Variants in TFCP2 observed in about 807,000 individuals in gnomAD.
TFCP2 encodes the protein alpha-globin transcription factor CP2.
TFCP2 carries 33 observed loss-of-function variants against 73.4 expected under a neutral mutation model. The observed-to-expected ratio is 0.45, with a 90% confidence interval of 0.34 to 0.60. The LOEUF (loss-of-function observed/expected upper bound fraction) is 0.60, where lower values mean the gene tolerates loss of function less well. Ranked by LOEUF, TFCP2 falls within the 20% of genes least tolerant of loss-of-function variation. The pLI is 0.01. For synonymous variants in TFCP2, 193 were observed against 211.6 expected (o/e 0.91, Z 0.76); for missense variants, 352 against 604.0 (o/e 0.58, Z 4.37).
intron 1 of TFCP2, among the ~76,000 whole-genome samples, chr12:51,137,635 A>G (rs538577251): frequency 3.0e-4 from 46 of 152,304 alleles, no homozygotes; most frequent in Non-Finnish European, 6.5e-4. Flanking sequence ...CTTTTATTAA[A>G]TTTCTGAAAT....
rs953984741 is a variant in TFCP2 at position 51,138,675 on chromosome 12, T to C, written c.123-19903A>G. Reference sequence around the variant, plus strand: ...CTCTGTTGCCCAGGCTGGAGTGCAATGGTGAGAGGCTGGAGTGCAATGGCA... The same window carrying C: ...CTCTGTTGCCCAGGCTGGAGTGCAACGGTGAGAGGCTGGAGTGCAATGGCA... On this transcript the variant is annotated intron_variant, in intron 1 of 14. Transcript: ENST00000257915. 1.6e-4 allele frequency among the ~76,000 whole-genome samples: 24 copies of C among 151,988 alleles called. 1 individual carries two copies. The highest frequency in any genetic ancestry group is 3.4e-4 in the Non-Finnish European group (23 of 67,970).
intron 1 of TFCP2, among the ~76,000 whole-genome samples, chr12:51,152,948 G>C (rs1287178461): frequency 1.3e-5 from 2 of 152,186 alleles, no homozygotes; most frequent in East Asian, 1.9e-4. Context: ...TATAGCCACT[G>C]AACAGTAACT....
At chr12:51,148,800 G>A (rs1941355778) in intron 1 of TFCP2, among the ~76,000 whole-genome samples, 1 of 151,352 alleles carries the variant, frequency 6.6e-6, no homozygotes, top group Non-Finnish European at 1.5e-5. Context: ...CGAGGTGGGC[G>A]GATCACCTGA....
chr12:51,116,620 CTT>C (rs35866720), intron 3 of TFCP2, among the ~76,000 whole-genome samples, 200 bp from the exon 4 acceptor site: 16 of 143,910 alleles, frequency 1.1e-4, no homozygotes, highest in African/African-American at 1.0e-4. Flanking sequence ...CAGATATAAT[CTT>C]TTTTTTTTTT....
intron 1 of TFCP2, among the ~76,000 whole-genome samples, chr12:51,162,044 T>C (rs1941661293): frequency 6.6e-6 from 1 of 151,706 alleles, no homozygotes; most frequent in Non-Finnish European, 1.5e-5. Context: ...AAGATTTCAC[T>C]AAAGGATTCA....
At chr12:51,162,214 G>A (rs1941664388) in intron 1 of TFCP2, among the ~76,000 whole-genome samples, 1 of 152,132 alleles carries the variant, frequency 6.6e-6, no homozygotes, top group Non-Finnish European at 1.5e-5. Flanking sequence ...GGGAGGCTGA[G>A]GCGGGTGGAT....
In TFCP2 at chr12:51,125,835, T is replaced by G. The variant is rs79249938; in HGVS notation, c.123-7063A>C. On this transcript the variant is annotated intron_variant, in intron 1 of 14. Coordinates refer to ENST00000257915, the MANE Select transcript of TFCP2 (RefSeq NM_005653.5). ...ATCACAGGCTGGGCGTGGTGGCTCA[T>G]GCCTGTAATCCCAGCACTTTGGGAG... 5.1e-3 allele frequency among the ~76,000 whole-genome samples: 769 copies of G among 152,104 alleles called. 33 individuals are homozygous for G. The East Asian group carries it at 0.081, about 16-fold the overall frequency.
chr12:51,107,173 A>G, intron 7 of TFCP2, 63 bp downstream of exon 7: 1 of 1,325,964 alleles, frequency 7.5e-7, no homozygotes, highest in Non-Finnish European at 1.1e-6. Context: ...CCAGTTTGGA[A>G]GTGATGAATT....
rs1394119258 is a variant in TFCP2, at chr12:51,098,809, C to T, written c.1386G>A (p.Gly462=). 6.2e-7 allele frequency: 1 copy of T among 1,613,958 alleles called. No homozygotes were observed. Among genetic ancestry groups the T allele is most frequent in the African/African-American group, 1.3e-5 (1 of 74,880 alleles). The change falls in exon 13 of 15, where the codon GGG becomes GGA. Residue 462 remains glycine, a synonymous_variant. Coordinates refer to ENST00000257915, the MANE Select transcript of TFCP2 (RefSeq NM_005653.5). ...PCQISQIYKQ[G]PTGIHVLISD... ...TGATGAGCACATGAATTCCTGTTGGCCCCTGCTTGTAAATCTGGCTGATCT... is the reference window on the plus strand; with the variant it reads ...TGATGAGCACATGAATTCCTGTTGGTCCCTGCTTGTAAATCTGGCTGATCT...
At chr12:51,151,688 G>A (rs373191256) in intron 1 of TFCP2, among the ~76,000 whole-genome samples, 9 of 152,072 alleles carry the variant, frequency 5.9e-5, no homozygotes, top group Admixed American at 5.9e-4. Flanking sequence ...CGCCCGCCTC[G>A]GCCTCCCAAA....
At chr12:51,143,828 T>G (rs1446366462) in intron 1 of TFCP2, among the ~76,000 whole-genome samples, 10 of 151,972 alleles carry the variant, frequency 6.6e-5, no homozygotes. Flanking sequence ...TAAGAAACAA[T>G]GAGAATTTGA....
At chr12:51,145,241 G>A (rs1463459852) in intron 1 of TFCP2, among the ~76,000 whole-genome samples, 7 of 149,478 alleles carry the variant, frequency 4.7e-5, no homozygotes, top group South Asian at 2.1e-4. Context: ...AATTAGCTGC[G>A]TATGGTGGTG....
Position 51,093,858 on chromosome 12 carries a change from AC to A in TFCP2, c.*1382del, listed in dbSNP as rs1939888291. 1 of 151,740 alleles carries A rather than the reference AC, an allele frequency of 6.6e-6. No individual in the cohort carries two copies. The highest frequency in any genetic ancestry group is 1.5e-5 in the Non-Finnish European group (1 of 67,920). 9.4% of individuals were successfully genotyped at this position (151,740 alleles called of 1,614,324 possible). The stretch of plus-strand genomic sequence containing the variant: ...AACACACACACACACACACACACAC[AC>A]AAATCCAAATCCAATACACAATCTT... On this transcript the variant is annotated 3_prime_UTR_variant, in exon 15 of 15. Coordinates refer to ENST00000257915, the MANE Select transcript of TFCP2 (RefSeq NM_005653.5).
intron 11 of TFCP2, 42 bp downstream of exon 11, chr12:51,101,893 T>G (rs1940118073): frequency 3.9e-5 from 52 of 1,318,348 alleles, no homozygotes; most frequent in Non-Finnish European, 5.3e-5. Context: ...CAAATCCATT[T>G]GGAATCCCAA....
At chr12:51,159,241 G>A in intron 1 of TFCP2, among the ~76,000 whole-genome samples, 1 of 151,854 alleles carries the variant, frequency 6.6e-6, no homozygotes, top group East Asian at 1.9e-4. Flanking sequence ...TGGTGGTAGT[G>A]GGGGAATTTG....
At chr12:51,115,283 C>A (rs1334680405) in intron 4 of TFCP2, among the ~76,000 whole-genome samples, 1 of 151,920 alleles carries the variant, frequency 6.6e-6, no homozygotes, top group Non-Finnish European at 1.5e-5. Flanking sequence ...CCACGCCCAG[C>A]TAATTTCTTT....
Position 51,103,731 on chromosome 12 carries a change from A to G in TFCP2, c.999T>C (p.Ala333=), listed in dbSNP as rs1195560314. 1.2e-6 allele frequency: 2 copies of G among 1,614,092 alleles called. No homozygotes were observed. The highest frequency in any genetic ancestry group is 4.5e-5 in the East Asian group (2 of 44,870). The change falls in exon 10 of 15, where the codon GCT becomes GCC. Residue 333 remains alanine (A), a synonymous_variant. Coordinates refer to ENST00000257915, the MANE Select transcript of TFCP2 (RefSeq NM_005653.5). ...AACGATTTCGATGCAACCACTGCTG[A>G]GCTTCCTGAGGTGTGGTTGTTGGTA... ...NLLPTTTPQE[A]QQWLHRNRFS...
rs1332257507 is a variant in TFCP2, at chr12:51,116,411, G to A, written c.361C>T (p.Arg121Cys). Residue 121 changes from arginine (R) to cysteine (C), a missense_variant, in exon 4 of 15, where the codon CGT (arginine) becomes TGT (cysteine). By Grantham distance (180) the Arg-to-Cys change is radical (BLOSUM62 -3). This residue lies in a region of TFCP2 where 76 missense variants were observed against 163.2 expected (regional missense o/e 0.47). Transcript: ENST00000257915. ...AGCCTTCTGTCATGGAACACCACACGGAATATACTCTAAAAGGATACAACA... is the reference window on the plus strand; with the variant it reads ...AGCCTTCTGTCATGGAACACCACACAGAATATACTCTAAAAGGATACAACA... Reference protein sequence around the residue: ...INGKLVKSIFRVVFHDRRLQY... With the variant: ...INGKLVKSIFCVVFHDRRLQY... 2 of 1,583,592 alleles carry A rather than the reference G, an allele frequency of 1.3e-6. No individual in the cohort carries two copies. The highest frequency in any genetic ancestry group is 1.7e-6 in the Non-Finnish European group (2 of 1,160,052).
At chr12:51,132,387 T>TTTTTTTTTG (rs1186866774) in intron 1 of TFCP2, among the ~76,000 whole-genome samples, 6 of 127,510 alleles carry the variant, frequency 4.7e-5, no homozygotes, top group East Asian at 2.4e-4. Context: ...TTTTTTTTTT[T>TTTTTTTTTG]AGACAGAGTC....
Sources: gnomAD v4.1 joint callset for allele counts (sites outside exome capture counted in the v4.1 genomes callset) on GRCh38, gnomAD v4.1.1 for gene constraint, gnomAD v4.1.1 regional missense constraint, MANE v1.5 for transcripts, NCBI Gene and HGNC (gene_info 2026-07-23, HGNC 2026-07-21) for gene names.